The following GNAL variants were observed in gnomAD, a reference collection of about 807,000 sequenced individuals.
GNAL encodes the protein G protein subunit alpha L.
A neutral mutation model predicts 55.1 loss-of-function variants in GNAL; 18 were observed. That is an observed-to-expected ratio of 0.33 (90% CI 0.23 to 0.48). The LOEUF is 0.48. Ranked by LOEUF, GNAL falls within the 20% of genes least tolerant of loss-of-function variation. The pLI is 0.99. For synonymous variants in GNAL, 253 were observed against 237.0 expected (o/e 1.07, Z -0.62); for missense variants, 412 against 614.1 (o/e 0.67, Z 3.48).
chr18:11,806,509 C>T (rs1006776427), intron 4 of GNAL, among the ~76,000 whole-genome samples: 4 of 152,024 alleles, frequency 2.6e-5, no homozygotes, highest in East Asian at 3.9e-4. Context: ...CATCTTCAGT[C>T]GATTTTTGTA....
At chr18:11,781,993 G>A (rs1234051503) in intron 4 of GNAL, among the ~76,000 whole-genome samples, 1 of 152,208 alleles carries the variant, frequency 6.6e-6, no homozygotes, top group South Asian at 2.1e-4. Flanking sequence ...TACATAATAT[G>A]TGGAATATCC....
At chr18:11,768,975 A>G (rs2033516578) in intron 4 of GNAL, among the ~76,000 whole-genome samples, 1 of 111,448 alleles carries the variant, frequency 9.0e-6, no homozygotes, top group Admixed American at 1.1e-4. Flanking sequence ...TATATTATAT[A>G]TATTATATAT....
At chr18:11,834,557 T>A (rs2035458940) in intron 5 of GNAL, among the ~76,000 whole-genome samples, 1 of 150,568 alleles carries the variant, frequency 6.6e-6, no homozygotes, top group South Asian at 2.1e-4. Context: ...AAAAAAAAAA[T>A]ACCCCCAAAA....
At position 11,746,431 on chromosome 18, in the gene GNAL, A is replaced by C. The variant is rs187158603; in HGVS notation, c.377-6422A>C. 18 of 256,118 alleles carry C rather than the reference A, an allele frequency of 7.0e-5. No individual in the cohort carries two copies. The East Asian group carries it at 1.8e-3, about 25-fold the overall frequency. 15.9% of individuals were successfully genotyped at this position (256,118 alleles called of 1,614,324 possible). A position where few individuals can be genotyped will look rare whatever the true frequency, so the allele number is the denominator to read the frequency against. ...TTAAGACCAGCTTGGGCAACATAGC[A>C]AGACCCCATCTCTACAGAAAATTTA... is the stretch of plus-strand genomic sequence containing the variant. On this transcript the variant is annotated intron_variant, in intron 1 of 11. Transcript: ENST00000334049.
At chr18:11,784,761 A>G (rs181963674) in intron 4 of GNAL, among the ~76,000 whole-genome samples, 2 of 152,318 alleles carry the variant, frequency 1.3e-5, no homozygotes, top group African/African-American at 4.8e-5. Flanking sequence ...GGAATTGAAA[A>G]AAACCAAAAG....
At chr18:11,853,758 A>ATCCC (rs2143797157) in intron 5 of GNAL, 1 of 163,156 alleles carries the variant, frequency 6.1e-6, no homozygotes, top group African/African-American at 2.7e-5. Context: ...TCTCTCAAGA[A>ATCCC]TATCCCTCCT....
At chr18:11,795,782 G>A (rs751089272) in intron 4 of GNAL, among the ~76,000 whole-genome samples, 5 of 152,220 alleles carry the variant, frequency 3.3e-5, no homozygotes, top group Non-Finnish European at 7.3e-5. Flanking sequence ...AGGTCCCTTG[G>A]CTGAGAAGAG....
intron 4 of GNAL, among the ~76,000 whole-genome samples, chr18:11,784,828 T>C (rs1192247860): frequency 6.6e-6 from 1 of 152,146 alleles, no homozygotes; most frequent in Non-Finnish European, 1.5e-5. Context: ...TGTTGGATTA[T>C]GAGAAAGCTG....
chr18:11,874,350 C>A (rs1315580366), intron 10 of GNAL: 1 of 150,976 alleles, frequency 6.6e-6, no homozygotes, highest in Non-Finnish European at 1.5e-5. Context: ...CATGTGACGG[C>A]ATGGGTTAAA....
intron 5 of GNAL, among the ~76,000 whole-genome samples, chr18:11,855,746 G>A (rs972397531): frequency 2.0e-5 from 3 of 152,212 alleles, no homozygotes; most frequent in Non-Finnish European, 4.4e-5. Flanking sequence ...GCCGAGGCAG[G>A]CAGATCATCT....
At chr18:11,776,692 A>C (rs1286040651) in intron 4 of GNAL, among the ~76,000 whole-genome samples, 2 of 144,100 alleles carry the variant, frequency 1.4e-5, no homozygotes, top group Non-Finnish European at 3.0e-5. Flanking sequence ...TGGGCAACAG[A>C]GCCAGATCCT....
At chr18:11,729,104 G>A (rs1178161582) in intron 1 of GNAL, among the ~76,000 whole-genome samples, 2 of 152,052 alleles carry the variant, frequency 1.3e-5, no homozygotes, top group African/African-American at 2.4e-5. Flanking sequence ...GGCCGCAAAC[G>A]AGATAGTTAA....
intron 4 of GNAL, among the ~76,000 whole-genome samples, chr18:11,821,999 C>T (rs2035106436): frequency 6.6e-6 from 1 of 152,254 alleles, no homozygotes; most frequent in South Asian, 2.1e-4. Context: ...CTAAGTAAGT[C>T]GAAAAGCAAG....
chr18:11,751,652 G>A lies in GNAL; in HGVS notation c.377-1201G>A, dbSNP rs1598428364. The A allele has an allele frequency of 2.0e-6, 2 of 985,450 alleles. No individual in the cohort carries two copies. The highest frequency in any genetic ancestry group is 2.4e-6 in the Non-Finnish European group (2 of 829,960). The allele number at this position is 985,450 out of a possible 1,614,324, so 61.0% of individuals were successfully genotyped here. A position where few individuals can be genotyped will look rare whatever the true frequency, so the allele number is the denominator to read the frequency against. On this transcript the variant is annotated intron_variant, in intron 1 of 11. Coordinates refer to ENST00000334049, the MANE Select transcript of GNAL (RefSeq NM_182978.4). The surrounding 1 kb of genome is among the most constrained non-coding windows in gnomAD (Gnocchi z 4.5). Reference sequence around the variant, plus strand: ...CCCGGCTCGGGGTGCAAGAGAGCCAGGCGGCCGCGGCGCAGCGGAGGGGCT... The same window carrying A: ...CCCGGCTCGGGGTGCAAGAGAGCCAAGCGGCCGCGGCGCAGCGGAGGGGCT...
intron 5 of GNAL, among the ~76,000 whole-genome samples, chr18:11,834,532 T>A (rs2035458340): frequency 6.6e-6 from 1 of 151,056 alleles, no homozygotes; most frequent in African/African-American, 2.4e-5. Flanking sequence ...CCAGCCTGGG[T>A]CTCTAGTGTC....
chr18:11,834,559 C>A (rs1319395138), intron 5 of GNAL, among the ~76,000 whole-genome samples: 1 of 151,736 alleles, frequency 6.6e-6, no homozygotes, highest in Non-Finnish European at 1.5e-5. Flanking sequence ...AAAAAAAATA[C>A]CCCCAAAAAT....
chr18:11,834,924 G>C (rs1170272155), intron 5 of GNAL, among the ~76,000 whole-genome samples: 1 of 152,206 alleles, frequency 6.6e-6, no homozygotes, highest in Non-Finnish European at 1.5e-5. Context: ...AAGTGGCCTT[G>C]GGCAAAGCAG....
chr18:11,767,097 A>G (rs2033430061), intron 4 of GNAL, among the ~76,000 whole-genome samples: 1 of 152,200 alleles, frequency 6.6e-6, no homozygotes, highest in Non-Finnish European at 1.5e-5. Context: ...ATTTCTGCCC[A>G]GGAAGAAATC....
At chr18:11,807,149 ACT>A (rs770770756) in intron 4 of GNAL, among the ~76,000 whole-genome samples, 1 of 150,760 alleles carries the variant, frequency 6.6e-6, no homozygotes, top group East Asian at 2.0e-4. Flanking sequence ...ATAGAGCGAG[ACT>A]CTGTCTCAAA....
Sources: gnomAD v4.1 joint callset for allele counts (sites outside exome capture counted in the v4.1 genomes callset) on GRCh38, gnomAD v4.1.1 for gene constraint, Gnocchi (gnomAD v3.1) non-coding constraint, MANE v1.5 for transcripts, NCBI Gene and HGNC (gene_info 2026-07-23, HGNC 2026-07-21) for gene names.